C5: variants seen among roughly 807,000 people sequenced by gnomAD.
C5 encodes the protein C3 and PZP-like alpha-2-macroglobulin domain-containing protein 4.
C5 carries 140 observed loss-of-function variants against 218.8 expected under a neutral mutation model. The ratio of observed to expected loss-of-function variants is 0.64; its 90% CI spans 0.56 to 0.74. The LOEUF is 0.74. Ranked by LOEUF, C5 falls within the 30% of genes least tolerant of loss-of-function variation. The pLI is 0.00. For synonymous variants in C5, 614 were observed against 682.3 expected (o/e 0.90, Z 1.56); for missense variants, 1,700 against 1,969.6 (o/e 0.86, Z 2.59).
Position 120,994,585 on chromosome 9 carries a change from C to A in C5, c.2851+1655G>T, listed in dbSNP as rs546205108. The stretch of plus-strand genomic sequence containing the variant: ...GCAACAGAGTGAGACCCTGTCCCCC[C>A]ACCCCACAAAAAAAAAATAATAAAT... On this transcript the variant is annotated intron_variant, in intron 22 of 40. Coordinates refer to ENST00000223642, the MANE Select transcript of C5 (RefSeq NM_001735.3). 2.8e-4 allele frequency among the ~76,000 whole-genome samples: 35 copies of A among 125,310 alleles called. No homozygotes were observed. In the East Asian group the frequency reaches 4.6e-3, roughly 16 times the overall value. 82.2% of individuals were successfully genotyped at this position (125,310 alleles called of 152,430 possible). A position where few individuals can be genotyped will look rare whatever the true frequency, so the allele number is the denominator to read the frequency against.
At chr9:120,961,888 T>C (rs1044835955) in intron 36 of C5, among the ~76,000 whole-genome samples, 2 of 152,138 alleles carry the variant, frequency 1.3e-5, no homozygotes, top group African/African-American at 4.8e-5. Context: ...TTGTTTAGGG[T>C]GGACAAGGGA....
At chr9:121,032,518 C>T (rs2047485110) in intron 5 of C5, among the ~76,000 whole-genome samples, 1 of 152,028 alleles carries the variant, frequency 6.6e-6, no homozygotes, top group Admixed American at 6.6e-5. Flanking sequence ...CCTAATTATG[C>T]TAACATAATA....
At chr9:120,990,757 G>A (rs893314311) in intron 23 of C5, among the ~76,000 whole-genome samples, 3 of 152,168 alleles carry the variant, frequency 2.0e-5, no homozygotes, top group Non-Finnish European at 4.4e-5. Context: ...TTGTTATTTT[G>A]TTATGGCAGC....
intron 20 of C5, among the ~76,000 whole-genome samples, chr9:121,002,720 T>A (rs2047182751): frequency 6.6e-6 from 1 of 152,144 alleles, no homozygotes. Flanking sequence ...TTGGTATCTC[T>A]ATCTGAGTTA....
At chr9:121,037,831 T>A in intron 4 of C5, 50 bp downstream of exon 4, 1 of 819,404 alleles carries the variant, frequency 1.2e-6, no homozygotes, top group Non-Finnish European at 2.0e-6. Flanking sequence ...AATGAGATTC[T>A]TGTCCTGAAA....
chr9:120,989,306 G>A (rs2047058030), intron 24 of C5, among the ~76,000 whole-genome samples, 185 bp from the exon 25 acceptor site: 1 of 152,194 alleles, frequency 6.6e-6, no homozygotes, highest in Non-Finnish European at 1.5e-5. Context: ...TTATCAAGTA[G>A]AACATTCTGA....
At position 120,976,774 on chromosome 9, in the gene C5, T is replaced by C; in HGVS notation, c.3790A>G (p.Ile1264Val). The change falls in exon 29 of 41, where the codon ATA (isoleucine) becomes GTA (valine). Residue 1264 changes from isoleucine (I) to valine (V), a missense_variant. Physicochemically the swap from Ile to Val is conservative, Grantham distance 29. Coordinates refer to ENST00000223642, the MANE Select transcript of C5 (RefSeq NM_001735.3). ...TTGATGACTGGGTTAACATAATTTA[T>C]ATCTTTCAAGTTCAGACTGGTGAGT... ...ALLTSLNLKDINYVNPVIKWL... is the reference protein window; with the variant it reads ...ALLTSLNLKDVNYVNPVIKWL... 1 of 1,614,192 alleles carries C rather than the reference T, an allele frequency of 6.2e-7. No individual in the cohort carries two copies. The highest frequency in any genetic ancestry group is 8.5e-7 in the Non-Finnish European group (1 of 1,180,008).
At chr9:121,006,505 T>C (rs762257023) in intron 19 of C5, among the ~76,000 whole-genome samples, 63 of 152,152 alleles carry the variant, frequency 4.1e-4, no homozygotes, top group Admixed American at 2.3e-3. Flanking sequence ...TTTATTTGTT[T>C]CTAACTCTAC....
intron 33 of C5, among the ~76,000 whole-genome samples, chr9:120,967,914 G>A (rs946535326): frequency 6.6e-6 from 1 of 151,898 alleles, no homozygotes; most frequent in African/African-American, 2.4e-5. Flanking sequence ...GTAGAGATGG[G>A]GTCTGGCTAT....
chr9:120,952,415 T>C lies in C5; in HGVS notation c.*324A>G, dbSNP rs118181017. On this transcript the variant is annotated 3_prime_UTR_variant, in exon 41 of 41. Transcript: ENST00000223642. Reference sequence around the variant, plus strand: ...TCAAGCAAAGGCCATGTTTTTGTAATACTCCCTTTCAATGGACTGTTCTTT... The same window carrying C: ...TCAAGCAAAGGCCATGTTTTTGTAACACTCCCTTTCAATGGACTGTTCTTT... 4.9e-5 allele frequency: 16 copies of C among 323,756 alleles called. No individual in the cohort carries two copies. The East Asian group carries it at 1.2e-3, about 24-fold the overall frequency. The allele number at this position is 323,756 out of a possible 1,614,324, so 20.1% of individuals were successfully genotyped here. A position where few individuals can be genotyped will look rare whatever the true frequency, so the allele number is the denominator to read the frequency against.
rs1229813276 is a variant in C5, at chr9:120,959,257, TTTCTTTC to T, written c.4678+984_4678+990del. ...ATTTCTTTCTTTCTTTCTTTCTTTCTTTCTTTCTTTTTTTTTTTGAGACAGAGTCTTG... is the reference window on the plus strand; with the variant it reads ...ATTTCTTTCTTTCTTTCTTTCTTTCTTTTTTTTTTTTGAGACAGAGTCTTG... On this transcript the variant is annotated intron_variant, in intron 38 of 40. Coordinates refer to ENST00000223642, the MANE Select transcript of C5 (RefSeq NM_001735.3). Among the ~76,000 whole-genome samples, 1,114 of 145,908 alleles carry T rather than the reference TTTCTTTC, an allele frequency of 7.6e-3. 20 individuals are homozygous for T. The highest frequency in any genetic ancestry group is 0.028 in the African/African-American group (1,028 of 36,518).
chr9:120,961,293 A>G (rs1473712149), intron 37 of C5, among the ~76,000 whole-genome samples, 189 bp downstream of exon 37: 1 of 152,184 alleles, frequency 6.6e-6, no homozygotes, highest in Non-Finnish European at 1.5e-5. Flanking sequence ...ATGAACTATC[A>G]GGTTGTTCAG....
At chr9:121,058,802 C>T in the C5 span, among the ~76,000 whole-genome samples, 1 of 152,224 alleles carries the variant, frequency 6.6e-6, no homozygotes, top group African/African-American at 2.4e-5. Context: ...CCAGTCCACA[C>T]ATTTTGATTC....
chr9:121,050,952 A>C (rs1243687896), upstream of C5, among the ~76,000 whole-genome samples: 2 of 152,178 alleles, frequency 1.3e-5, no homozygotes, highest in Non-Finnish European at 2.9e-5. Flanking sequence ...CCACTCGTTC[A>C]AAGTTTGTCT....
chr9:121,015,116 G>A lies in C5; in HGVS notation c.2059+83C>T, dbSNP rs943063710. Reference sequence around the variant, plus strand: ...TTTCATTCATTTTATTTCAATTAGGGGAATTTATATAACATTTAATTTTGT... The same window carrying A: ...TTTCATTCATTTTATTTCAATTAGGAGAATTTATATAACATTTAATTTTGT... On this transcript the variant is annotated intron_variant, in intron 16 of 40. Coordinates refer to ENST00000223642, the MANE Select transcript of C5 (RefSeq NM_001735.3). 1.1e-5 allele frequency: 9 copies of A among 845,608 alleles called. 1 individual carries two copies. Among genetic ancestry groups the A allele is most frequent in the Non-Finnish European group, 1.6e-5 (8 of 503,780 alleles). The allele number at this position is 845,608 out of a possible 1,614,324, so 52.4% of individuals were successfully genotyped here.
chr9:121,032,134 A>C lies in C5; in HGVS notation c.646T>G (p.Tyr216Asp), dbSNP rs1335469401. 1 of 1,603,396 alleles carries C rather than the reference A, an allele frequency of 6.2e-7. No individual in the cohort carries two copies. The highest frequency in any genetic ancestry group is 8.5e-7 in the Non-Finnish European group (1 of 1,170,442). The change falls in exon 6 of 41, where the codon TAT becomes GAT. Residue 216 changes from tyrosine to aspartate, a missense_variant. By Grantham distance (160) the Tyr-to-Asp change is radical. Coordinates refer to ENST00000223642, the MANE Select transcript of C5 (RefSeq NM_001735.3). ...KEDFSTTGTA[Y>D]FEVKEYVLPH... Reference sequence around the variant, plus strand: ...TTACCATATTCTTTAACTTCAAAATATGCGGTTCCAGTTGTTGAAAAGTCC... The same window carrying C: ...TTACCATATTCTTTAACTTCAAAATCTGCGGTTCCAGTTGTTGAAAAGTCC...
chr9:121,057,695 G>A, the C5 span, among the ~76,000 whole-genome samples: 2 of 152,054 alleles, frequency 1.3e-5, no homozygotes, highest in African/African-American at 4.8e-5. Context: ...CACAAAGGAA[G>A]ATGGGAAGGA....
chr9:120,953,297 G>A (rs1171250814), intron 40 of C5, among the ~76,000 whole-genome samples: 5 of 152,120 alleles, frequency 3.3e-5, no homozygotes, highest in Admixed American at 2.0e-4. Context: ...CTTCTGTACC[G>A]GCCTCTCCTG....
At chr9:121,074,576 G>T in the C5 span, among the ~76,000 whole-genome samples, 1 of 152,248 alleles carries the variant, frequency 6.6e-6, no homozygotes, top group Non-Finnish European at 1.5e-5. Context: ...TCAGAAGTGG[G>T]GGAGGCCGGG....
Sources: gnomAD v4.1 joint callset for allele counts (sites outside exome capture counted in the v4.1 genomes callset) on GRCh38, gnomAD v4.1.1 for gene constraint, MANE v1.5 for transcripts, NCBI Gene and HGNC (gene_info 2026-07-23, HGNC 2026-07-21) for gene names.